Variants in ADAM22 observed in about 807,000 individuals in gnomAD.
ADAM22 encodes the protein disintegrin and metalloproteinase domain-containing protein 22.
A neutral mutation model predicts 144.6 loss-of-function variants in ADAM22; 65 were observed. The observed-to-expected ratio is 0.45, with a 90% CI of 0.37 to 0.55. The LOEUF (loss-of-function observed/expected upper bound fraction) is 0.55, where lower values mean the gene tolerates loss of function less well. Ranked by LOEUF, ADAM22 falls within the 20% of genes least tolerant of loss-of-function variation. The probability of loss-of-function intolerance (pLI) is 0.00; values close to 1 mark genes in which losing one functional copy is unlikely to be tolerated. For synonymous variants in ADAM22, 391 were observed against 412.6 expected (o/e 0.95, Z 0.63); for missense variants, 974 against 1,184.9 (o/e 0.82, Z 2.61).
At chr7:88,148,664 A>G (rs1251060673) in intron 17 of ADAM22, among the ~76,000 whole-genome samples, 1 of 152,116 alleles carries the variant, frequency 6.6e-6, no homozygotes, top group Non-Finnish European at 1.5e-5. Context: ...ATGAAGAGTA[A>G]AGGGTAAATT....
intron 3 of ADAM22, among the ~76,000 whole-genome samples, chr7:88,037,076 A>G (rs966081649): frequency 6.6e-6 from 1 of 152,068 alleles, no homozygotes; most frequent in Non-Finnish European, 1.5e-5. Flanking sequence ...TTGGACATTT[A>G]TGTTATTTTC....
intron 3 of ADAM22, among the ~76,000 whole-genome samples, chr7:88,043,858 G>A (rs1163183655): frequency 6.6e-6 from 1 of 152,168 alleles, no homozygotes; most frequent in Non-Finnish European, 1.5e-5. Flanking sequence ...AAGTCCATAT[G>A]TGGATGTAAA....
At chr7:88,070,534 C>A (rs2282955) in intron 3 of ADAM22, among the ~76,000 whole-genome samples, 56,986 of 152,006 alleles carry the variant, frequency 0.37, 11,884 homozygotes, top group East Asian at 0.62. Flanking sequence ...ATTGCACATT[C>A]AAGTTGCTTT....
At chr7:88,001,146 T>C (rs1792452504) in intron 3 of ADAM22, among the ~76,000 whole-genome samples, 1 of 152,232 alleles carries the variant, frequency 6.6e-6, no homozygotes. Flanking sequence ...GAAAATAGTA[T>C]ACAGGTTAAA....
intron 3 of ADAM22, among the ~76,000 whole-genome samples, chr7:88,056,187 T>C (rs545093252): frequency 2.0e-5 from 3 of 152,348 alleles, no homozygotes; most frequent in Admixed American, 6.5e-5. Flanking sequence ...AGGTTCTTTT[T>C]TTCTTCTCCA....
intron 26 of ADAM22, among the ~76,000 whole-genome samples, chr7:88,177,035 G>A (rs755034698): frequency 6.6e-6 from 1 of 152,286 alleles, no homozygotes; most frequent in East Asian, 1.9e-4. Flanking sequence ...ATAGTGCTGG[G>A]ATTACAGGCG....
At chr7:88,007,687 G>C (rs1343592628) in intron 3 of ADAM22, among the ~76,000 whole-genome samples, 1 of 152,138 alleles carries the variant, frequency 6.6e-6, no homozygotes, top group Admixed American at 6.5e-5. Context: ...GGGAAAACTG[G>C]CTAGCCATAT....
intron 9 of ADAM22, among the ~76,000 whole-genome samples, chr7:88,130,122 G>A (rs1007951594): frequency 4.0e-5 from 5 of 124,416 alleles, no homozygotes; most frequent in Non-Finnish European, 7.2e-5. Context: ...TGAAATGGAT[G>A]GATTGGGTAT....
In ADAM22 at chr7:88,024,899, A is replaced by G. The variant is rs570993176; in HGVS notation, c.323+46487A>G. ...CATGAACTCATCATTTTTTATGGCTACATAGTATTCCATGGTGTATATGTG... is the reference window on the plus strand; with the variant it reads ...CATGAACTCATCATTTTTTATGGCTGCATAGTATTCCATGGTGTATATGTG... On this transcript the variant is annotated intron_variant, in intron 3 of 31. Transcript: ENST00000413139. Among the ~76,000 whole-genome samples the G allele has an allele frequency of 2.3e-4, 35 of 152,144 alleles. 2 individuals carry two copies. Among genetic ancestry groups the G allele is most frequent in the Non-Finnish European group, 4.4e-5 (3 of 68,030 alleles).
intron 2 of ADAM22, among the ~76,000 whole-genome samples, chr7:87,967,528 A>T (rs552406241): frequency 6.6e-6 from 1 of 151,994 alleles, no homozygotes; most frequent in African/African-American, 2.4e-5. Flanking sequence ...AAAACAGTAT[A>T]GGCTGGGCAT....
At chr7:88,090,772 G>A (rs1000718976) in intron 4 of ADAM22, among the ~76,000 whole-genome samples, 5 of 152,078 alleles carry the variant, frequency 3.3e-5, no homozygotes, top group African/African-American at 4.8e-5. Flanking sequence ...TGAATTTCAT[G>A]GTGCTTATGG....
chr7:88,096,197 A>G (rs898437772), intron 4 of ADAM22, among the ~76,000 whole-genome samples: 1 of 151,230 alleles, frequency 6.6e-6, no homozygotes, highest in Admixed American at 6.6e-5. Context: ...TGCTGGGATT[A>G]CAGGCATGAG....
At chr7:88,054,625 T>TGTGTGTGA (rs1807676096) in intron 3 of ADAM22, among the ~76,000 whole-genome samples, 1 of 150,926 alleles carries the variant, frequency 6.6e-6, no homozygotes, top group African/African-American at 2.4e-5. Flanking sequence ...TGTGTGTGTG[T>TGTGTGTGA]GTGTGTGATT....
rs916533494 is a variant in ADAM22, at chr7:87,956,581, A to T, written c.246+21395A>T. On this transcript the variant is annotated intron_variant, in intron 2 of 31. Coordinates refer to ENST00000413139, the MANE Select transcript of ADAM22 (RefSeq NM_001324418.2). ...AAACCTTTTCATCACTTCAAAAAGA[A>T]ACCTTATGCCCATTTTCCCTAACTG... is the stretch of plus-strand genomic sequence containing the variant. Among the ~76,000 whole-genome samples, 6 of 152,142 alleles carry T rather than the reference A, an allele frequency of 3.9e-5. No homozygotes were observed. In the East Asian group the frequency reaches 1.2e-3, roughly 29 times the overall value.
At chr7:87,943,916 T>C (rs986750020) in intron 2 of ADAM22, among the ~76,000 whole-genome samples, 7 of 151,866 alleles carry the variant, frequency 4.6e-5, no homozygotes, top group African/African-American at 1.7e-4. Context: ...TTTTGTTGCA[T>C]TTTTTGTCTC....
intron 2 of ADAM22, among the ~76,000 whole-genome samples, chr7:87,960,594 A>G (rs779251019): frequency 3.9e-5 from 6 of 152,182 alleles, no homozygotes; most frequent in Non-Finnish European, 7.3e-5. Flanking sequence ...TCTCTGCAGT[A>G]TGTTTTCACT....
intron 3 of ADAM22, among the ~76,000 whole-genome samples, chr7:88,015,605 A>C (rs949425304): frequency 3.3e-5 from 5 of 152,202 alleles, no homozygotes; most frequent in Admixed American, 3.3e-4. Context: ...TCCAAACATC[A>C]CATTTTATCT....
chr7:87,951,007 T>C (rs1048267376), intron 2 of ADAM22, among the ~76,000 whole-genome samples: 1 of 152,224 alleles, frequency 6.6e-6, no homozygotes, highest in African/African-American at 2.4e-5. Flanking sequence ...TCTTGTAAAT[T>C]TGTTTGATTT....
chr7:88,171,202 T>G (rs188525979), intron 25 of ADAM22, among the ~76,000 whole-genome samples: 115 of 152,102 alleles, frequency 7.6e-4, no homozygotes, highest in Middle Eastern at 6.8e-3. Flanking sequence ...TTAATTTCAT[T>G]AAGTCAATGT....
Sources: gnomAD v4.1 joint callset for allele counts (sites outside exome capture counted in the v4.1 genomes callset) on GRCh38, gnomAD v4.1.1 for gene constraint, MANE v1.5 for transcripts, NCBI Gene and HGNC (gene_info 2026-07-23, HGNC 2026-07-21) for gene names.